Variants in SGMS1 observed in about 807,000 individuals in gnomAD.
The protein encoded by SGMS1 is sphingomyelin synthase 1.
A neutral mutation model predicts 46.2 loss-of-function variants in SGMS1; 13 were observed. That is an observed-to-expected ratio of 0.28 (90% CI 0.18 to 0.45). The LOEUF is 0.45. Among genes scored for constraint, SGMS1 ranks in the 20% least tolerant of loss-of-function variants. The pLI is 1.00. For synonymous variants in SGMS1, 203 were observed against 187.8 expected, an observed-to-expected ratio of 1.08 and a Z score of -0.66; for missense variants, 324 against 519.9, an observed-to-expected ratio of 0.62 and a Z score of 3.66.
intron 5 of SGMS1, among the ~76,000 whole-genome samples, chr10:50,447,620 T>A (rs961674681): frequency 1.2e-4 from 19 of 152,052 alleles, no homozygotes; most frequent in African/African-American, 3.9e-4. Flanking sequence ...TGCTTCTTTT[T>A]AAATTATTTT....
intron 1 of SGMS1, among the ~76,000 whole-genome samples, chr10:50,616,498 CTCTGTTTCAAGA>C (rs910278315): frequency 3.3e-5 from 5 of 152,112 alleles, no homozygotes; most frequent in Non-Finnish European, 7.4e-5. Context: ...TAAGCAACAA[CTCTGTTTCAAGA>C]TCTGTATTCC....
At chr10:50,511,516 T>C (rs1294257218) in intron 3 of SGMS1, among the ~76,000 whole-genome samples, 1 of 152,170 alleles carries the variant, frequency 6.6e-6, no homozygotes, top group African/African-American at 2.4e-5. Context: ...AGAAATTCAC[T>C]GAAGACTTCT....
intron 3 of SGMS1, among the ~76,000 whole-genome samples, chr10:50,518,088 C>A (rs1048889119): frequency 6.6e-6 from 1 of 152,116 alleles, no homozygotes; most frequent in African/African-American, 2.4e-5. Context: ...AATACCATCT[C>A]TATACAATAA....
intron 2 of SGMS1, among the ~76,000 whole-genome samples, chr10:50,528,363 G>A (rs1195822621): frequency 1.3e-5 from 2 of 152,116 alleles, no homozygotes; most frequent in African/African-American, 2.4e-5. Flanking sequence ...AAACCACTCG[G>A]GGGTTTGTCA....
At chr10:50,390,974 T>C (rs1486485418) in intron 6 of SGMS1, among the ~76,000 whole-genome samples, 2 of 152,138 alleles carry the variant, frequency 1.3e-5, no homozygotes, top group Non-Finnish European at 2.9e-5. Context: ...GAGGGTAATG[T>C]CAGGAATAAA....
At chr10:50,447,946 C>T (rs1837046240) in intron 5 of SGMS1, among the ~76,000 whole-genome samples, 3 of 152,176 alleles carry the variant, frequency 2.0e-5, no homozygotes, top group Non-Finnish European at 2.9e-5. Flanking sequence ...CCAAATTCCA[C>T]AGCTGGTTCA....
chr10:50,600,617 G>T (rs1447802247), intron 1 of SGMS1, among the ~76,000 whole-genome samples: 2 of 152,202 alleles, frequency 1.3e-5, no homozygotes, highest in Non-Finnish European at 2.9e-5. Flanking sequence ...ATGCCAAATT[G>T]ATGGAGACAG....
At chr10:50,581,169 G>A (rs1461032092) in intron 2 of SGMS1, among the ~76,000 whole-genome samples, 1 of 152,174 alleles carries the variant, frequency 6.6e-6, no homozygotes, top group Admixed American at 6.5e-5. Flanking sequence ...AAGTAAATAA[G>A]TATGTAAGGA....
At chr10:50,624,781 C>T (rs908962345), upstream of SGMS1, 22 of 986,212 alleles carry the variant, frequency 2.2e-5, no homozygotes, top group African/African-American at 2.8e-4. Context: ...GGAGAGCTGG[C>T]CTTCCCGCCC....
intron 6 of SGMS1, among the ~76,000 whole-genome samples, chr10:50,386,976 G>C (rs180978192): frequency 9.3e-4 from 141 of 152,196 alleles, no homozygotes; most frequent in African/African-American, 2.9e-3. Context: ...CAAGGTTCCT[G>C]GTACTCAAGG....
At chr10:50,408,082 A>G (rs1048170356) in intron 6 of SGMS1, among the ~76,000 whole-genome samples, 11 of 152,202 alleles carry the variant, frequency 7.2e-5, no homozygotes, top group Non-Finnish European at 1.5e-4. Flanking sequence ...GTAGCTATTG[A>G]GCACTTGAAA....
At chr10:50,624,968 C>T (rs972200724), upstream of SGMS1, 3 of 1,036,392 alleles carry the variant, frequency 2.9e-6, no homozygotes, top group South Asian at 2.6e-5. Context: ...GCCCGGCCAT[C>T]GGGCCGCGGG....
intron 6 of SGMS1, among the ~76,000 whole-genome samples, chr10:50,404,276 G>T: frequency 1.3e-5 from 2 of 151,874 alleles, no homozygotes; most frequent in Non-Finnish European, 2.9e-5. Flanking sequence ...TGATGGAAGC[G>T]TGGGAAAGAC....
At chr10:50,432,460 G>A (rs1257126022) in intron 6 of SGMS1, among the ~76,000 whole-genome samples, 1 of 152,094 alleles carries the variant, frequency 6.6e-6, no homozygotes, top group Admixed American at 6.6e-5. Context: ...AGTTTAAAAT[G>A]AGCCAGCCAC....
chr10:50,487,526 A>G (rs1335278974), intron 3 of SGMS1, among the ~76,000 whole-genome samples: 4 of 152,166 alleles, frequency 2.6e-5, no homozygotes, highest in Non-Finnish European at 5.9e-5. Context: ...CTTTCTGTAT[A>G]ATTTTTATAT....
chr10:50,537,901 C>T (rs1208779786), intron 2 of SGMS1, among the ~76,000 whole-genome samples: 1 of 152,012 alleles, frequency 6.6e-6, no homozygotes, highest in Non-Finnish European at 1.5e-5. Flanking sequence ...GCTTATTTAC[C>T]CTACAAGTAA....
chr10:50,445,588 T>A (rs1359774805), intron 5 of SGMS1, among the ~76,000 whole-genome samples: 1 of 152,190 alleles, frequency 6.6e-6, no homozygotes, highest in African/African-American at 2.4e-5. Context: ...ACTTATCACT[T>A]CCCCAATCAA....
chr10:50,415,367 C>T (rs1005298420), intron 6 of SGMS1, among the ~76,000 whole-genome samples: 2 of 152,124 alleles, frequency 1.3e-5, no homozygotes, highest in Non-Finnish European at 2.9e-5. Flanking sequence ...CTAAAGTTTT[C>T]GAATTTACCA....
intron 6 of SGMS1, among the ~76,000 whole-genome samples, chr10:50,433,161 C>G (rs1021528440): frequency 6.6e-6 from 1 of 152,146 alleles, no homozygotes; most frequent in African/African-American, 2.4e-5. Flanking sequence ...TCTGCATATC[C>G]TAAGGGTTAT....
Sources: gnomAD v4.1 joint callset for allele counts (sites outside exome capture counted in the v4.1 genomes callset) on GRCh38, gnomAD v4.1.1 for gene constraint, MANE v1.5 for transcripts, NCBI Gene and HGNC (gene_info 2026-07-23, HGNC 2026-07-21) for gene names.